NAE1: variants seen among roughly 807,000 people sequenced by gnomAD.
NAE1 encodes the protein NEDD8 activating enzyme E1 subunit 1, also known as NEDD8-activating enzyme E1 regulatory subunit.
A neutral mutation model predicts 88.0 loss-of-function variants in NAE1; 59 were observed. That is an observed-to-expected ratio of 0.67 (90% CI 0.54 to 0.83). The LOEUF (loss-of-function observed/expected upper bound fraction) is 0.83. NAE1 is among the 40% of genes least tolerant of loss of function. The pLI is 0.00. For synonymous variants in NAE1, 186 were observed against 208.9 expected (o/e 0.89, Z 0.95); for missense variants, 554 against 632.8 (o/e 0.88, Z 1.34).
At chr16:66,810,907 G>A (rs982984723) in intron 13 of NAE1, 135 bp from the exon 14 acceptor site, 2 of 721,704 alleles carry the variant, frequency 2.8e-6, no homozygotes, top group Admixed American at 4.6e-5. Context: ...GAAAATGCCA[G>A]GGAAATGCTA....
Position 66,822,045 on chromosome 16 carries a change from T to A in NAE1, c.402-486A>T, listed in dbSNP as rs567064523. Among the ~76,000 whole-genome samples, 5 of 152,218 alleles carry A rather than the reference T, an allele frequency of 3.3e-5. No individual in the cohort carries two copies. In the East Asian group the frequency reaches 9.7e-4, roughly 29 times the overall value. On this transcript the variant is annotated intron_variant, in intron 6 of 19. Transcript: ENST00000290810. ...CACCATCTGGCTAAATTTTGTAGTT[T>A]TTGTAGACACAAGGTTTTGCCATGT...
At chr16:66,829,091 C>T (rs1960590853) in intron 1 of NAE1, among the ~76,000 whole-genome samples, 1 of 152,034 alleles carries the variant, frequency 6.6e-6, no homozygotes, top group African/African-American at 2.4e-5. Context: ...GCCCAACTAA[C>T]GTGAAGTAAG....
intron 1 of NAE1, among the ~76,000 whole-genome samples, chr16:66,829,093 T>G (rs1295015297): frequency 1.3e-5 from 2 of 152,084 alleles, no homozygotes; most frequent in African/African-American, 2.4e-5. Context: ...CCAACTAACG[T>G]GAAGTAAGGA....
intron 17 of NAE1, among the ~76,000 whole-genome samples, chr16:66,806,416 A>C (rs1959567566): frequency 6.6e-6 from 1 of 152,174 alleles, no homozygotes; most frequent in Admixed American, 6.6e-5. Context: ...TAAAGCTATT[A>C]ATAATAGGTA....
At position 66,823,616 on chromosome 16, in the gene NAE1, G is replaced by C; in HGVS notation, c.250-16C>G. Reference sequence around the variant, plus strand: ...CAGCTCGGTTCTTTTTAAAAACAAAGCATTTAACTTGAATTAGAAAAAACT... The same window carrying C: ...CAGCTCGGTTCTTTTTAAAAACAAACCATTTAACTTGAATTAGAAAAAACT... On this transcript the variant is annotated splice_polypyrimidine_tract_variant and intron_variant, in intron 4 of 19. Coordinates refer to ENST00000290810, the MANE Select transcript of NAE1 (RefSeq NM_003905.4). The C allele has an allele frequency of 6.3e-7, 1 of 1,579,310 alleles. No homozygotes were observed. Among genetic ancestry groups the C allele is most frequent in the Non-Finnish European group, 8.6e-7 (1 of 1,168,894 alleles).
At position 66,806,135 on chromosome 16, in the gene NAE1, G is replaced by A. The variant is rs192520769; in HGVS notation, c.1331-109C>T. ...TTCTAGTCAAAATATGTATGAAACT[G>A]AAGAACAAAAATAACAAAGTATGAG... is the stretch of plus-strand genomic sequence containing the variant. On this transcript the variant is annotated intron_variant, in intron 17 of 19. Coordinates refer to ENST00000290810, the MANE Select transcript of NAE1 (RefSeq NM_003905.4). 9.9e-5 allele frequency: 126 copies of A among 1,270,914 alleles called. No individual in the cohort carries two copies. In the African/African-American group the frequency reaches 1.8e-3, roughly 18 times the overall value. The allele number at this position is 1,270,914 out of a possible 1,614,324, so 78.7% of individuals were successfully genotyped here. A position where few individuals can be genotyped will look rare whatever the true frequency, so the allele number is the denominator to read the frequency against.
intron 13 of NAE1, among the ~76,000 whole-genome samples, chr16:66,812,478 T>C (rs1315708174): frequency 6.6e-6 from 1 of 152,080 alleles, no homozygotes; most frequent in Non-Finnish European, 1.5e-5. Context: ...CCATTCAATT[T>C]TGCTTTGAGC....
chr16:66,817,134 A>G (rs1960075285), intron 9 of NAE1, 106 bp from the exon 10 acceptor site: 1 of 1,391,168 alleles, frequency 7.2e-7, no homozygotes, highest in Non-Finnish European at 9.5e-7. Context: ...ATCAACAAAT[A>G]TATTTCTCTG....
intron 3 of NAE1, 56 bp downstream of exon 3, chr16:66,826,467 A>G: frequency 6.5e-7 from 1 of 1,546,926 alleles, no homozygotes; most frequent in Non-Finnish European, 8.9e-7. Flanking sequence ...AGGTGAAGCT[A>G]AGACTCAGGC....
At chr16:66,828,149 T>C (rs1304443784) in intron 1 of NAE1, 18 of 1,127,300 alleles carry the variant, frequency 1.6e-5, no homozygotes, top group Non-Finnish European at 1.7e-5. Flanking sequence ...ACACCTGACA[T>C]ATATGGTTGA....
At chr16:66,829,748 C>G (rs1235646274) in intron 1 of NAE1, among the ~76,000 whole-genome samples, 1 of 152,194 alleles carries the variant, frequency 6.6e-6, no homozygotes, top group Non-Finnish European at 1.5e-5. Context: ...TGGGGAAGTA[C>G]CCAAGGACCC....
intron 19 of NAE1, among the ~76,000 whole-genome samples, chr16:66,805,047 CAT>C: frequency 6.6e-6 from 1 of 152,292 alleles, no homozygotes; most frequent in East Asian, 1.9e-4. Flanking sequence ...TTATGAAAGA[CAT>C]GTCATTTTTG....
chr16:66,805,733 G>T, intron 19 of NAE1, 44 bp downstream of exon 19: 2 of 1,377,572 alleles, frequency 1.5e-6, no homozygotes, highest in Non-Finnish European at 1.9e-6. Flanking sequence ...AATAGTAACT[G>T]TACTATGTAA....
At chr16:66,805,378 T>A (rs953579308) in intron 19 of NAE1, among the ~76,000 whole-genome samples, 2 of 152,068 alleles carry the variant, frequency 1.3e-5, no homozygotes, top group Non-Finnish European at 2.9e-5. Context: ...GGAGTTTAAG[T>A]TGGATGGCAG....
intron 17 of NAE1, among the ~76,000 whole-genome samples, chr16:66,808,228 AAATT>A (rs1264384113): frequency 6.6e-6 from 1 of 152,188 alleles, no homozygotes; most frequent in Non-Finnish European, 1.5e-5. Context: ...CTATTCCACT[AAATT>A]AAACTCAGTG....
chr16:66,823,660 C>A, intron 4 of NAE1, 60 bp from the exon 5 acceptor site: 1 of 1,347,382 alleles, frequency 7.4e-7, no homozygotes, highest in South Asian at 1.3e-5. Flanking sequence ...ATATAATCCC[C>A]CAATTTATGG....
intron 3 of NAE1, chr16:66,826,238 C>A: frequency 2.5e-6 from 1 of 402,030 alleles, no homozygotes; most frequent in Non-Finnish European, 4.5e-6. Flanking sequence ...ACCTACGGAT[C>A]AATACAAGAG....
intron 1 of NAE1, among the ~76,000 whole-genome samples, chr16:66,829,097 G>A (rs927872993): frequency 6.6e-6 from 1 of 152,122 alleles, no homozygotes; most frequent in Non-Finnish European, 1.5e-5. Flanking sequence ...CTAACGTGAA[G>A]TAAGGAGGGG....
At chr16:66,817,385 A>C in intron 9 of NAE1, 40 bp downstream of exon 9, 1 of 1,439,134 alleles carries the variant, frequency 6.9e-7, no homozygotes. Flanking sequence ...GAAACTGAAA[A>C]TACAGTTGCA....
Sources: gnomAD v4.1 joint callset for allele counts (sites outside exome capture counted in the v4.1 genomes callset) on GRCh38, gnomAD v4.1.1 for gene constraint, MANE v1.5 for transcripts, NCBI Gene and HGNC (gene_info 2026-07-23, HGNC 2026-07-21) for gene names.